Variants in PDCD6IP observed in about 807,000 individuals in gnomAD.
PDCD6IP encodes the protein programmed cell death 6-interacting protein.
A neutral mutation model predicts 103.7 loss-of-function variants in PDCD6IP; 43 were observed. The ratio of observed to expected loss-of-function variants is 0.41; its 90% CI spans 0.32 to 0.53. The LOEUF is 0.53. Ranked by LOEUF, PDCD6IP falls within the 20% of genes least tolerant of loss-of-function variation. The probability of loss-of-function intolerance (pLI) is 0.16; values close to 1 mark genes in which losing one functional copy is unlikely to be tolerated. For synonymous variants in PDCD6IP, 354 were observed against 378.7 expected, an observed-to-expected ratio of 0.93 and a Z score of 0.76; for missense variants, 871 against 1,036.7, an observed-to-expected ratio of 0.84 and a Z score of 2.20.
At chr3:33,822,213 G>C (rs3762816) in intron 4 of PDCD6IP, 131 bp downstream of exon 4, 238,745 of 909,912 alleles carry the variant, frequency 0.26, 33,174 homozygotes, top group Admixed American at 0.42. Flanking sequence ...CTTTTAAAAT[G>C]AATTTATTCT....
chr3:33,860,572 C>G (rs759466172), intron 15 of PDCD6IP, among the ~76,000 whole-genome samples: 53 of 152,298 alleles, frequency 3.5e-4, no homozygotes, highest in Non-Finnish European at 6.8e-4. Flanking sequence ...CCAGGGCAAC[C>G]GCTATCCTAA....
intron 1 of PDCD6IP, chr3:33,810,970 C>A: frequency 4.0e-6 from 1 of 247,488 alleles, no homozygotes. Context: ...CCACTGCAGC[C>A]ATGACCTCCA....
At chr3:33,819,765 A>G (rs1042020226) in intron 3 of PDCD6IP, among the ~76,000 whole-genome samples, 3 of 152,266 alleles carry the variant, frequency 2.0e-5, no homozygotes, top group Non-Finnish European at 4.4e-5. Context: ...CTTGCACATT[A>G]TGCAAGATCT....
intron 15 of PDCD6IP, among the ~76,000 whole-genome samples, chr3:33,859,142 T>A (rs1559798128): frequency 6.6e-6 from 1 of 152,164 alleles, no homozygotes; most frequent in Non-Finnish European, 1.5e-5. Flanking sequence ...GAATTTAGTG[T>A]AAAAGATCTT....
intron 11 of PDCD6IP, among the ~76,000 whole-genome samples, chr3:33,844,740 C>T (rs1326683541): frequency 6.6e-6 from 1 of 152,122 alleles, no homozygotes; most frequent in Non-Finnish European, 1.5e-5. Flanking sequence ...CTCCACTTCC[C>T]AAAGTGATGA....
At chr3:33,855,389 T>C (rs1198635713) in intron 15 of PDCD6IP, 129 bp downstream of exon 15, 1 of 566,270 alleles carries the variant, frequency 1.8e-6, no homozygotes, top group Non-Finnish European at 3.2e-6. Flanking sequence ...AGGAACTAGA[T>C]AGAGTATTTT....
chr3:33,803,535 T>C (rs940963407), intron 1 of PDCD6IP, among the ~76,000 whole-genome samples: 1 of 152,232 alleles, frequency 6.6e-6, no homozygotes, highest in African/African-American at 2.4e-5. Flanking sequence ...TTTATACTTT[T>C]TTCATTAGGT....
At chr3:33,846,656 T>A (rs1397158674) in intron 12 of PDCD6IP, among the ~76,000 whole-genome samples, 3 of 151,988 alleles carry the variant, frequency 2.0e-5, no homozygotes, top group Non-Finnish European at 4.4e-5. Context: ...ACGTGTAGGA[T>A]CGGAGAAGGG....
chr3:33,835,195 A>G (rs1197653719), intron 7 of PDCD6IP: 2 of 455,858 alleles, frequency 4.4e-6, no homozygotes, highest in Non-Finnish European at 4.4e-6. Flanking sequence ...CTTAAAAAAA[A>G]ATTCTTATTG....
chr3:33,825,168 TTC>T lies in PDCD6IP; in HGVS notation c.463-17_463-16del. The T allele has an allele frequency of 6.3e-7, 1 of 1,598,958 alleles. No individual in the cohort carries two copies. Among genetic ancestry groups the T allele is most frequent in the Non-Finnish European group, 8.5e-7 (1 of 1,175,456 alleles). On this transcript the variant is annotated splice_polypyrimidine_tract_variant and intron_variant, in intron 4 of 17. Transcript: ENST00000307296. ...GTCTTGCTGAGTTCCTATAAAGAAA[TTC>T]TTTTTCCCCCCTTTAGTTTGCTAGT...
chr3:33,802,161 G>A (rs983855265), intron 1 of PDCD6IP, among the ~76,000 whole-genome samples: 1 of 152,152 alleles, frequency 6.6e-6, no homozygotes, highest in Non-Finnish European at 1.5e-5. Flanking sequence ...CTAGAATATT[G>A]TTCTCAGGTC....
intron 16 of PDCD6IP, among the ~76,000 whole-genome samples, chr3:33,865,008 A>G (rs936050706): frequency 2.6e-5 from 4 of 152,328 alleles, no homozygotes; most frequent in African/African-American, 4.8e-5. Context: ...AGGAAGCAGT[A>G]AATGATTAAA....
intron 4 of PDCD6IP, among the ~76,000 whole-genome samples, chr3:33,823,103 C>T (rs1354256490): frequency 1.3e-5 from 2 of 152,078 alleles, no homozygotes; most frequent in Non-Finnish European, 2.9e-5. Flanking sequence ...TTATTTGACT[C>T]TCAGATAAAC....
chr3:33,819,945 C>T (rs1696950611), intron 3 of PDCD6IP, among the ~76,000 whole-genome samples: 5 of 152,124 alleles, frequency 3.3e-5, no homozygotes, highest in Admixed American at 3.3e-4. Flanking sequence ...AACATCATCT[C>T]GAGAACTCTT....
intron 11 of PDCD6IP, 48 bp downstream of exon 11, chr3:33,844,271 G>A (rs762175990): frequency 2.8e-6 from 3 of 1,070,540 alleles, no homozygotes; most frequent in South Asian, 1.9e-5. Context: ...TCCCAATTTC[G>A]ACCCACGTTT....
At chr3:33,851,928 T>C (rs1367580375) in intron 12 of PDCD6IP, among the ~76,000 whole-genome samples, 1 of 152,224 alleles carries the variant, frequency 6.6e-6, no homozygotes, top group African/African-American at 2.4e-5. Flanking sequence ...TCACCTCTGT[T>C]TCTCTATATC....
chr3:33,864,142 A>G lies in PDCD6IP; in HGVS notation c.2244+13A>G, dbSNP rs774123954. 2.1e-6 allele frequency: 3 copies of G among 1,409,724 alleles called. No individual in the cohort carries two copies. The highest frequency in any genetic ancestry group is 3.0e-6 in the Non-Finnish European group (3 of 996,976). 87.3% of individuals were successfully genotyped at this position (1,409,724 alleles called of 1,614,324 possible). Reference sequence around the variant, plus strand: ...AAGAACCATGCCGGTTAGTAGGCAAATAAATATTTTAAACAGAGGTTTTAC... The same window carrying G: ...AAGAACCATGCCGGTTAGTAGGCAAGTAAATATTTTAAACAGAGGTTTTAC... On this transcript the variant is annotated intron_variant, in intron 16 of 17. Transcript: ENST00000307296.
intron 3 of PDCD6IP, among the ~76,000 whole-genome samples, chr3:33,818,563 G>T (rs1696916365): frequency 7.5e-6 from 1 of 133,486 alleles, no homozygotes; most frequent in Non-Finnish European, 1.5e-5. Flanking sequence ...TCTGACGCTA[G>T]GCTGGAGTGC....
At chr3:33,851,271 C>G (rs1697707277) in intron 12 of PDCD6IP, among the ~76,000 whole-genome samples, 1 of 150,704 alleles carries the variant, frequency 6.6e-6, no homozygotes. Context: ...CTATGAGCAT[C>G]ATTGGGGCAA....
Sources: allele counts gnomAD v4.1 joint callset (sites outside exome capture counted in the v4.1 genomes callset), GRCh38; gene constraint gnomAD v4.1.1; transcripts MANE v1.5; gene names NCBI Gene and HGNC (gene_info 2026-07-23, HGNC 2026-07-21).